Variants in DRC8 observed in about 807,000 individuals in gnomAD.
The protein encoded by DRC8 is dynein regulatory complex protein 8.
chr1:245,087,315 T>A, the DRC8 span: 1 of 1,611,404 alleles, frequency 6.2e-7, no homozygotes, highest in South Asian at 1.1e-5. Flanking sequence ...CAAATTCAAT[T>A]AATTACAAGG....
chr1:244,984,727 C>T, the DRC8 span, among the ~76,000 whole-genome samples: 517 of 151,384 alleles, frequency 3.4e-3, 3 homozygotes, highest in Non-Finnish European at 5.6e-3. Flanking sequence ...CCCAGCTACT[C>T]GGGAGGCTGA....
At chr1:245,031,648 A>C in the DRC8 span, among the ~76,000 whole-genome samples, 1 of 152,072 alleles carries the variant, frequency 6.6e-6, no homozygotes, top group Non-Finnish European at 1.5e-5. Context: ...TGGAGGCTGG[A>C]GTTTGTTACA....
chr1:244,993,300 G>A, the DRC8 span, among the ~76,000 whole-genome samples: 1 of 152,136 alleles, frequency 6.6e-6, no homozygotes, highest in Non-Finnish European at 1.5e-5. Flanking sequence ...AGTGATTCAC[G>A]TTTCTCGCAC....
At chr1:245,060,401 A>C in the DRC8 span, among the ~76,000 whole-genome samples, 2 of 152,264 alleles carry the variant, frequency 1.3e-5, no homozygotes, top group African/African-American at 4.8e-5. Context: ...TAGAAAGATG[A>C]GTCTGCTGCA....
chr1:245,099,592 T>G, the DRC8 span, among the ~76,000 whole-genome samples: 1 of 152,234 alleles, frequency 6.6e-6, no homozygotes, highest in African/African-American at 2.4e-5. Context: ...TGTTTGTTCA[T>G]GCAAAGCCTT....
At chr1:245,010,391 G>A in the DRC8 span, among the ~76,000 whole-genome samples, 3 of 152,312 alleles carry the variant, frequency 2.0e-5, no homozygotes, top group East Asian at 5.8e-4. Context: ...GGGTAATGGT[G>A]CATTCTGTAT....
chr1:244,984,045 C>A, the DRC8 span, among the ~76,000 whole-genome samples: 1 of 151,922 alleles, frequency 6.6e-6, no homozygotes, highest in Admixed American at 6.6e-5. Flanking sequence ...GCCTCAAACT[C>A]CTGTGCTCAA....
At chr1:244,981,245 A>G in the DRC8 span, among the ~76,000 whole-genome samples, 1 of 152,154 alleles carries the variant, frequency 6.6e-6, no homozygotes, top group South Asian at 2.1e-4. Context: ...GACTAGGATC[A>G]GAACTCTGGG....
chr1:245,093,531 T>C, the DRC8 span, among the ~76,000 whole-genome samples: 1 of 151,758 alleles, frequency 6.6e-6, no homozygotes, highest in Non-Finnish European at 1.5e-5. Flanking sequence ...AAACCCCGTC[T>C]CCACAAAAGT....
the DRC8 span, among the ~76,000 whole-genome samples, chr1:244,993,805 A>G: frequency 0.055 from 8,380 of 152,290 alleles, 728 homozygotes; most frequent in African/African-American, 0.19. Context: ...CACTCCTGCT[A>G]TAACATACGT....
At chr1:245,050,660 G>A in the DRC8 span, among the ~76,000 whole-genome samples, 1 of 152,136 alleles carries the variant, frequency 6.6e-6, no homozygotes, top group Non-Finnish European at 1.5e-5. Context: ...TAAGTGCTGT[G>A]GAACTCTCAG....
the DRC8 span, among the ~76,000 whole-genome samples, chr1:245,111,720 C>T: frequency 6.6e-6 from 1 of 152,150 alleles, no homozygotes. Context: ...TTTTAGAAAA[C>T]CCTGCTGTCC....
the DRC8 span, among the ~76,000 whole-genome samples, chr1:245,064,803 C>G: frequency 6.6e-6 from 1 of 152,040 alleles, no homozygotes; most frequent in South Asian, 2.1e-4. Context: ...CATTCTGGTT[C>G]CCAATCCTTT....
At chr1:245,033,951 C>A in the DRC8 span, among the ~76,000 whole-genome samples, 2 of 151,978 alleles carry the variant, frequency 1.3e-5, no homozygotes, top group Non-Finnish European at 2.9e-5. Context: ...GAATTCCTGA[C>A]CTCAAATGAC....
the DRC8 span, among the ~76,000 whole-genome samples, chr1:245,066,863 C>T: frequency 3.3e-5 from 5 of 151,898 alleles, no homozygotes; most frequent in Non-Finnish European, 5.9e-5. Context: ...GCCGAGATTG[C>T]GCCAGTGCAC....
chr1:245,104,491 G>A, the DRC8 span, among the ~76,000 whole-genome samples: 29 of 147,856 alleles, frequency 2.0e-4, 1 homozygote, highest in East Asian at 5.5e-3. Context: ...GGGACAGATC[G>A]AGACTCTGTC....
At chr1:245,029,663 T>A in the DRC8 span, among the ~76,000 whole-genome samples, 1 of 150,466 alleles carries the variant, frequency 6.6e-6, no homozygotes, top group Non-Finnish European at 1.5e-5. Flanking sequence ...TGATGTGACC[T>A]CAGCTCACTG....
At chr1:245,010,681 CTTTTT>C in the DRC8 span, among the ~76,000 whole-genome samples, 2 of 127,224 alleles carry the variant, frequency 1.6e-5, no homozygotes, top group Non-Finnish European at 1.6e-5. Context: ...CTTTTTCTTT[CTTTTT>C]TTTTTTTTTT....
chr1:245,014,968 T>C, the DRC8 span, among the ~76,000 whole-genome samples: 2 of 152,142 alleles, frequency 1.3e-5, no homozygotes, highest in South Asian at 4.1e-4. Context: ...AGTAGTTATG[T>C]TAGGGGGAAG....
Sources: allele counts gnomAD v4.1 joint callset (sites outside exome capture counted in the v4.1 genomes callset), GRCh38; gene constraint gnomAD v4.1.1; transcripts MANE v1.5; gene names NCBI Gene and HGNC (gene_info 2026-07-23, HGNC 2026-07-21).